QTRT2: variants seen among roughly 807,000 people sequenced by gnomAD.
The protein encoded by QTRT2 is queuine tRNA-ribosyltransferase accessory subunit 2.
In QTRT2, 32 loss-of-function variants were observed where a neutral mutation model predicts 44.8. The ratio of observed to expected loss-of-function variants is 0.71; its 90% CI spans 0.54 to 0.96. The LOEUF is 0.96. QTRT2 is among the 40% of genes least tolerant of loss of function. The pLI, the probability that QTRT2 is intolerant of heterozygous loss-of-function variation, is 0.00. For synonymous variants in QTRT2, 182 were observed against 187.4 expected, an observed-to-expected ratio of 0.97 and a Z score of 0.24; for missense variants, 461 against 503.1, an observed-to-expected ratio of 0.92 and a Z score of 0.80.
chr3:114,065,409 A>T lies in QTRT2; in HGVS notation c.152A>T (p.His51Leu), dbSNP rs768264275. The T allele has an allele frequency of 1.2e-6, 2 of 1,614,136 alleles. No individual in the cohort carries two copies. The highest frequency in any genetic ancestry group is 2.2e-5 in the South Asian group (2 of 91,086). The change falls in exon 3 of 10, where the codon CAT (histidine) becomes CTT (leucine). Residue 51 changes from histidine (H) to leucine (L), a missense_variant. By Grantham distance (99) the His-to-Leu change is moderately conservative (BLOSUM62 -3). Transcript: ENST00000281273. ...CCACACCTCACCCATCACACGCTGC[A>T]TAATATCCACGGGGTTCCTGCCATG... is the stretch of plus-strand genomic sequence containing the variant. ...SAPHLTHHTL[H>L]NIHGVPAMAQ...
At position 114,066,342 on chromosome 3, in the gene QTRT2, C is replaced by T. The variant is rs1385613443; in HGVS notation, c.256+59C>T. Reference sequence around the variant, plus strand: ...TGTGTTAATTTGGAGTTTGGAGGTGCTGTTACCTCTTTGATCTTTCATTCA... The same window carrying T: ...TGTGTTAATTTGGAGTTTGGAGGTGTTGTTACCTCTTTGATCTTTCATTCA... On this transcript the variant is annotated intron_variant, in intron 4 of 9. Transcript: ENST00000281273. The T allele has an allele frequency of 4.1e-6, 4 of 964,396 alleles. No individual in the cohort carries two copies. The African/African-American group carries it at 4.9e-5, about 12-fold the overall frequency. The allele number at this position is 964,396 out of a possible 1,614,324, so 59.7% of individuals were successfully genotyped here.
At chr3:114,064,757 C>G (rs1290967805) in intron 2 of QTRT2, among the ~76,000 whole-genome samples, 1 of 152,220 alleles carries the variant, frequency 6.6e-6, no homozygotes, top group East Asian at 1.9e-4. Context: ...CCAGGATGCT[C>G]TTTTCTTCAC....
At chr3:114,070,861 T>C (rs1361253540) in intron 6 of QTRT2, 23 bp downstream of exon 6, 7 of 1,595,572 alleles carry the variant, frequency 4.4e-6, no homozygotes, top group African/African-American at 1.3e-5. Context: ...CACTAACCAC[T>C]CCTTTCTCTT....
intron 7 of QTRT2, chr3:114,079,685 C>G (rs984138410): frequency 2.5e-6 from 1 of 405,044 alleles, no homozygotes; most frequent in Non-Finnish European, 4.5e-6. Context: ...AGTGACACAG[C>G]AGATACATAA....
rs71146306 is a variant in QTRT2, at chr3:114,082,204, CCACACACACACACACACACA to C, written c.899-443_899-424del. Among the ~76,000 whole-genome samples, 1,347 of 138,856 alleles carry C rather than the reference CCACACACACACACACACACA, an allele frequency of 9.7e-3. 13 individuals carry two copies. The highest frequency in any genetic ancestry group is 0.025 in the African/African-American group (921 of 36,756). 91.1% of individuals were successfully genotyped at this position (138,856 alleles called of 152,430 possible). A position where few individuals can be genotyped will look rare whatever the true frequency, so the allele number is the denominator to read the frequency against. Reference sequence around the variant, plus strand: ...ATGATAAGGGATAGTGATAACCCCACCACACACACACACACACACACACACACACACACACACACACACAC... The same window carrying C: ...ATGATAAGGGATAGTGATAACCCCACCACACACACACACACACACACACAC... On this transcript the variant is annotated intron_variant, in intron 8 of 9. Transcript: ENST00000281273.
chr3:114,072,214 G>A (rs569994145), intron 6 of QTRT2, among the ~76,000 whole-genome samples: 1 of 152,076 alleles, frequency 6.6e-6, no homozygotes, highest in South Asian at 2.1e-4. Context: ...GAGTGCAGTG[G>A]GGCAGTCTTG....
chr3:114,068,824 G>A (rs1384971174), intron 5 of QTRT2, among the ~76,000 whole-genome samples: 3 of 152,196 alleles, frequency 2.0e-5, no homozygotes, highest in Non-Finnish European at 4.4e-5. Context: ...AAGGTGGGTA[G>A]ATGGCTTGAG....
chr3:114,065,508 T>C, intron 3 of QTRT2, 51 bp downstream of exon 3: 1 of 1,383,718 alleles, frequency 7.2e-7, no homozygotes, highest in Non-Finnish European at 1.0e-6. Context: ...GCAGCTTAGT[T>C]ACCTTAGGTG....
chr3:114,078,879 T>C (rs529716994), intron 7 of QTRT2: 1 of 152,156 alleles, frequency 6.6e-6, no homozygotes, highest in African/African-American at 2.4e-5. Flanking sequence ...CACCATCTTA[T>C]TCCACAGTGC....
At chr3:114,064,329 A>T (rs2107787623) in intron 2 of QTRT2, among the ~76,000 whole-genome samples, 1 of 152,196 alleles carries the variant, frequency 6.6e-6, no homozygotes, top group East Asian at 1.9e-4. Flanking sequence ...AAGATATGGT[A>T]CTTGCTGTAG....
At chr3:114,078,860 C>G (rs1171195052) in intron 7 of QTRT2, 1 of 152,004 alleles carries the variant, frequency 6.6e-6, no homozygotes, top group East Asian at 1.9e-4. Flanking sequence ...CAACCTGTAC[C>G]TTGGAAACCA....
intron 9 of QTRT2, among the ~76,000 whole-genome samples, chr3:114,083,556 G>A (rs1223204253): frequency 1.3e-5 from 2 of 152,186 alleles, no homozygotes; most frequent in Non-Finnish European, 2.9e-5. Context: ...GTAATCATCA[G>A]TGAACCAGTG....
At chr3:114,058,984 A>G (rs2076847611) in intron 2 of QTRT2, among the ~76,000 whole-genome samples, 2 of 152,242 alleles carry the variant, frequency 1.3e-5, no homozygotes, top group Admixed American at 6.5e-5. Flanking sequence ...GTACTTATAT[A>G]TACAGCTTTC....
chr3:114,066,304 ATGT>A, intron 4 of QTRT2, 21 bp downstream of exon 4: 1 of 1,131,670 alleles, frequency 8.8e-7, no homozygotes, highest in Non-Finnish European at 1.3e-6. Flanking sequence ...AGTTACTTAT[ATGT>A]GCCTTGTGAT....
chr3:114,060,512 A>G (rs758699924), intron 2 of QTRT2, among the ~76,000 whole-genome samples: 3,324 of 89,580 alleles, frequency 0.037, 58 homozygotes, highest in Non-Finnish European at 0.066. Flanking sequence ...AGATAGATAG[A>G]TAGATAGATA....
chr3:114,082,756 A>C lies in QTRT2; in HGVS notation c.978A>C (p.Gln326His), dbSNP rs768654572. 4.7e-6 allele frequency: 7 copies of C among 1,505,208 alleles called. No individual in the cohort carries two copies. In the African/African-American group the frequency reaches 8.4e-5, roughly 18 times the overall value. 93.2% of individuals were successfully genotyped at this position (1,505,208 alleles called of 1,614,324 possible). A position where few individuals can be genotyped will look rare whatever the true frequency, so the allele number is the denominator to read the frequency against. Residue 326 changes from glutamine to histidine, a missense_variant, in exon 9 of 10, where the codon CAA becomes CAC. Gln to His is a conservative substitution (Grantham distance 24). Coordinates refer to ENST00000281273, the MANE Select transcript of QTRT2 (RefSeq NM_024638.4). ...AAATTGAAACAACTGGTTGCAACCAAGAAATAACATCATTTGAAATTAATC... is the reference window on the plus strand; with the variant it reads ...AAATTGAAACAACTGGTTGCAACCACGAAATAACATCATTTGAAATTAATC... ...IKKIETTGCNQEITSFEINLK... is the reference protein window; with the variant it reads ...IKKIETTGCNHEITSFEINLK...
At chr3:114,083,681 C>G (rs2077197765) in intron 9 of QTRT2, among the ~76,000 whole-genome samples, 1 of 152,062 alleles carries the variant, frequency 6.6e-6, no homozygotes, top group South Asian at 2.1e-4. Context: ...AGTGATAGTA[C>G]AGACTTGAGA....
chr3:114,068,033 C>T lies in QTRT2; in HGVS notation c.303C>T (p.Ser101=). ...LLYCSLHDPV[S]PCPAGYVTNK... ...ACTGCTCCCTGCACGATCCAGTCAG[C>T]CCCTGCCCGGCTGGTTATGTAACAA... Residue 101 remains serine, a synonymous_variant, in exon 5 of 10, where the codon AGC becomes AGT. Coordinates refer to ENST00000281273, the MANE Select transcript of QTRT2 (RefSeq NM_024638.4). 1.9e-6 allele frequency: 3 copies of T among 1,613,852 alleles called. No homozygotes were observed. Among genetic ancestry groups the T allele is most frequent in the Non-Finnish European group, 2.5e-6 (3 of 1,179,806 alleles).
At chr3:114,084,491 G>C (rs2077210862) in intron 9 of QTRT2, among the ~76,000 whole-genome samples, 1 of 151,884 alleles carries the variant, frequency 6.6e-6, no homozygotes, top group African/African-American at 2.4e-5. Context: ...GCTGAGGTGG[G>C]AGGTTGCTTG....
Sources: gnomAD v4.1 joint callset for allele counts (sites outside exome capture counted in the v4.1 genomes callset) on GRCh38, gnomAD v4.1.1 for gene constraint, MANE v1.5 for transcripts, NCBI Gene and HGNC (gene_info 2026-07-23, HGNC 2026-07-21) for gene names.